Variants in LRP1B observed in about 807,000 individuals in gnomAD.
LRP1B encodes low-density lipoprotein receptor-related protein 1B.
In LRP1B, 217 loss-of-function variants were observed where a neutral mutation model predicts 556.6. The observed-to-expected ratio is 0.39, with a 90% CI of 0.35 to 0.44. The LOEUF (loss-of-function observed/expected upper bound fraction) is 0.44. Among genes scored for constraint, LRP1B ranks in the 20% least tolerant of loss-of-function variants. The pLI is 1.00. For missense variants in LRP1B, 5,053 were observed against 5,620.8 expected (o/e 0.90, Z 3.23); for synonymous variants, 2,047 against 1,865.8 (o/e 1.10, Z -2.50).
At chr2:141,458,698 T>C (rs934845876) in intron 3 of LRP1B, among the ~76,000 whole-genome samples, 12 of 152,166 alleles carry the variant, frequency 7.9e-5, no homozygotes, top group African/African-American at 2.4e-4. Context: ...CCAACAGTGC[T>C]TCTATGACTC....
rs117802173 is a variant in LRP1B at position 140,765,920 on chromosome 2, G to C, written c.5758+3293C>G. ...GAATAAGAGGCTAATGCTAAATGAC[G>C]AGTTAATGGGTGCAGCACACCAACA... is the stretch of plus-strand genomic sequence containing the variant. On this transcript the variant is annotated intron_variant, in intron 35 of 90. Transcript: ENST00000389484. Among the ~76,000 whole-genome samples, 431 of 152,104 alleles carry C rather than the reference G, an allele frequency of 2.8e-3. 10 individuals carry two copies. In the East Asian group the frequency reaches 0.05, roughly 17 times the overall value.
At chr2:140,641,968 T>C (rs192316273) in intron 41 of LRP1B, among the ~76,000 whole-genome samples, 4 of 152,186 alleles carry the variant, frequency 2.6e-5, no homozygotes, top group East Asian at 1.9e-4. Flanking sequence ...ATCAGAACAA[T>C]AGAATTGGAA....
intron 2 of LRP1B, among the ~76,000 whole-genome samples, chr2:141,568,336 G>T (rs1477325111): frequency 6.6e-6 from 1 of 151,062 alleles, no homozygotes; most frequent in African/African-American, 2.4e-5. Flanking sequence ...AAAAAGGAAG[G>T]TTAGAGCCAA....
intron 2 of LRP1B, among the ~76,000 whole-genome samples, chr2:141,698,649 T>G (rs1691823323): frequency 6.6e-6 from 1 of 151,816 alleles, no homozygotes; most frequent in Admixed American, 6.6e-5. Context: ...CTTGAATTTC[T>G]CTGATTATCT....
In LRP1B at chr2:140,904,119, AAC is replaced by A. The variant is rs757434024; in HGVS notation, c.3521-956_3521-955del. Reference sequence around the variant, plus strand: ...TACCAGTGTATACCTAACATTGAGTAACAAGTTAAAAATATTTGATGAATTTT... The same window carrying A: ...TACCAGTGTATACCTAACATTGAGTAAAGTTAAAAATATTTGATGAATTTT... On this transcript the variant is annotated intron_variant, in intron 22 of 90. Coordinates refer to ENST00000389484, the MANE Select transcript of LRP1B (RefSeq NM_018557.3). Among the ~76,000 whole-genome samples, 147 of 152,246 alleles carry A rather than the reference AAC, an allele frequency of 9.7e-4. 1 individual carries two copies. In the Middle Eastern group the frequency reaches 0.01, roughly 11 times the overall value.
At chr2:141,703,190 A>C (rs974432923) in intron 2 of LRP1B, among the ~76,000 whole-genome samples, 1 of 151,620 alleles carries the variant, frequency 6.6e-6, no homozygotes, top group Non-Finnish European at 1.5e-5. Flanking sequence ...TGTATGAATA[A>C]GCAGTTATTT....
At chr2:141,286,711 C>T (rs1244589066) in intron 3 of LRP1B, 5 of 445,186 alleles carry the variant, frequency 1.1e-5, no homozygotes, top group African/African-American at 4.0e-5. Context: ...GTTAGTTTTG[C>T]TAAATCATAT....
At chr2:140,321,712 A>C (rs1680144118) in intron 82 of LRP1B, among the ~76,000 whole-genome samples, 1 of 152,060 alleles carries the variant, frequency 6.6e-6, no homozygotes, top group Non-Finnish European at 1.5e-5. Flanking sequence ...TGGGTCTGTG[A>C]GTGACTTCAA....
In LRP1B at chr2:140,445,418, G is replaced by A. The variant is rs118089433; in HGVS notation, c.10058-739C>T. Reference sequence around the variant, plus strand: ...GCGTGAGTCACTGCACCTGGCCCACGATACATATTCTCCAGCACAACGTAA... The same window carrying A: ...GCGTGAGTCACTGCACCTGGCCCACAATACATATTCTCCAGCACAACGTAA... On this transcript the variant is annotated intron_variant, in intron 63 of 90. Transcript: ENST00000389484. 2.1e-3 allele frequency among the ~76,000 whole-genome samples: 321 copies of A among 152,068 alleles called. 8 individuals carry two copies. The East Asian group carries it at 0.052, about 25-fold the overall frequency.
At position 141,073,503 on chromosome 2, in the gene LRP1B, C is replaced by T. The variant is rs72983109; in HGVS notation, c.1014-11230G>A. 4.5e-3 allele frequency among the ~76,000 whole-genome samples: 689 copies of T among 152,186 alleles called. 3 individuals carry two copies. Among genetic ancestry groups the T allele is most frequent in the African/African-American group, 0.016 (654 of 41,556 alleles). On this transcript the variant is annotated intron_variant, in intron 7 of 90. Coordinates refer to ENST00000389484, the MANE Select transcript of LRP1B (RefSeq NM_018557.3). ...CAGTCTTGTAATCTTAGAACTCTCT[C>T]ATAGACAATCTTGAATGTTCCCATG...
chr2:141,602,634 C>T (rs549703010), intron 2 of LRP1B, among the ~76,000 whole-genome samples: 1 of 152,306 alleles, frequency 6.6e-6, no homozygotes, highest in Admixed American at 6.5e-5. Flanking sequence ...AATCCTTCTT[C>T]AGACAATCCT....
intron 3 of LRP1B, among the ~76,000 whole-genome samples, chr2:141,471,137 G>A (rs111584588): frequency 3.4e-4 from 51 of 152,186 alleles, no homozygotes; most frequent in African/African-American, 1.2e-3. Context: ...TTACAGTAAT[G>A]CACATATATA....
At chr2:140,420,016 A>G (rs1022159722) in intron 66 of LRP1B, among the ~76,000 whole-genome samples, 7 of 141,936 alleles carry the variant, frequency 4.9e-5, no homozygotes, top group African/African-American at 1.9e-4. Flanking sequence ...ATAAAAAAGA[A>G]AAAAAAAAAA....
intron 3 of LRP1B, among the ~76,000 whole-genome samples, chr2:141,292,459 G>A (rs1686010568): frequency 6.6e-6 from 1 of 152,114 alleles, no homozygotes. Flanking sequence ...GGGGAATAAA[G>A]AGAAGAGCTC....
At chr2:141,954,410 G>C (rs866126508) in intron 1 of LRP1B, among the ~76,000 whole-genome samples, 5 of 152,198 alleles carry the variant, frequency 3.3e-5, no homozygotes, top group Middle Eastern at 3.4e-3. Flanking sequence ...GCAGGGAAGT[G>C]TACATATTTA....
At chr2:140,526,155 T>G in intron 48 of LRP1B, 82 bp downstream of exon 48, 1 of 1,434,722 alleles carries the variant, frequency 7.0e-7, no homozygotes, top group East Asian at 2.3e-5. Flanking sequence ...TTGGACAAAG[T>G]TCAGTAAAAT....
intron 1 of LRP1B, among the ~76,000 whole-genome samples, chr2:141,820,026 G>A (rs1160232596): frequency 6.6e-6 from 1 of 152,028 alleles, no homozygotes; most frequent in African/African-American, 2.4e-5. Context: ...AGCTTTTTTA[G>A]TTAATCAGTA....
At chr2:141,536,184 T>C (rs1685064723) in intron 2 of LRP1B, among the ~76,000 whole-genome samples, 1 of 152,098 alleles carries the variant, frequency 6.6e-6, no homozygotes, top group South Asian at 2.1e-4. Flanking sequence ...AGAAAGACTA[T>C]TTCATAAACA....
intron 2 of LRP1B, among the ~76,000 whole-genome samples, chr2:141,531,365 T>C (rs909069803): frequency 2.6e-5 from 4 of 152,156 alleles, no homozygotes; most frequent in Admixed American, 2.0e-4. Flanking sequence ...TCCTGACATA[T>C]TGAGCTTTTT....
Sources: gnomAD v4.1 joint callset for allele counts (sites outside exome capture counted in the v4.1 genomes callset) on GRCh38, gnomAD v4.1.1 for gene constraint, MANE v1.5 for transcripts, NCBI Gene and HGNC (gene_info 2026-07-23, HGNC 2026-07-21) for gene names.